Variants in HUNK observed in about 807,000 individuals in gnomAD.
HUNK encodes hormonally up-regulated Neu-associated kinase.
Under a neutral mutation model 61.0 loss-of-function variants are expected in HUNK, and 21 were observed. That is an observed-to-expected ratio of 0.34 (90% CI 0.24 to 0.50). The LOEUF is 0.50. Ranked by LOEUF, HUNK falls within the 20% of genes least tolerant of loss-of-function variation. The pLI, the probability that HUNK is intolerant of heterozygous loss-of-function variation, is 0.98. For synonymous variants in HUNK, 371 were observed against 386.1 expected, an observed-to-expected ratio of 0.96 and a Z score of 0.46; for missense variants, 772 against 945.7, an observed-to-expected ratio of 0.82 and a Z score of 2.41.
At chr21:31,925,635 C>T (rs2052654530) in intron 2 of HUNK, among the ~76,000 whole-genome samples, 1 of 152,192 alleles carries the variant, frequency 6.6e-6, no homozygotes, top group Non-Finnish European at 1.5e-5. Context: ...ACAAACCAAA[C>T]CAGTCTTGCA....
Position 31,998,796 on chromosome 21 carries a change from C to T in HUNK, c.1757C>T (p.Pro586Leu), listed in dbSNP as rs376135963. The change falls in exon 11 of 11, where the codon CCG (proline) becomes CTG (leucine). Residue 586 changes from proline to leucine, a missense_variant. Pro to Leu is a moderately conservative substitution (Grantham distance 98). Coordinates refer to ENST00000270112, the MANE Select transcript of HUNK (RefSeq NM_014586.2). ...CATCACTACAGGATTCTGAACTCCC[C>T]GGTCAGCTTGGCTCGCAGAAATTCC... Reference protein sequence around the residue: ...PSHHYRILNSPVSLARRNSSE... With the variant: ...PSHHYRILNSLVSLARRNSSE... 1.4e-4 allele frequency: 234 copies of T among 1,614,180 alleles called. No individual in the cohort carries two copies. The highest frequency in any genetic ancestry group is 1.9e-4 in the Non-Finnish European group (220 of 1,180,044).
chr21:31,913,699 C>T (rs2052561753), intron 1 of HUNK, among the ~76,000 whole-genome samples: 1 of 151,760 alleles, frequency 6.6e-6, no homozygotes, highest in South Asian at 2.1e-4. Flanking sequence ...GGCAGATGGA[C>T]AGTCATGAGC....
At chr21:31,949,026 G>A (rs2052829924) in intron 4 of HUNK, among the ~76,000 whole-genome samples, 2 of 152,228 alleles carry the variant, frequency 1.3e-5, no homozygotes, top group South Asian at 4.1e-4. Context: ...TGAACCTCAG[G>A]ACAGTCCTGT....
At chr21:31,954,136 G>A (rs1291493053) in intron 4 of HUNK, among the ~76,000 whole-genome samples, 1 of 152,138 alleles carries the variant, frequency 6.6e-6, no homozygotes, top group Non-Finnish European at 1.5e-5. Context: ...TTGCTCCTCT[G>A]GCCTCATATG....
At chr21:31,919,496 C>G (rs1043384116) in intron 1 of HUNK, among the ~76,000 whole-genome samples, 19 of 152,190 alleles carry the variant, frequency 1.2e-4, no homozygotes, top group African/African-American at 4.3e-4. Flanking sequence ...TGACTGTAAT[C>G]GTACGGCTGT....
chr21:31,975,122 T>C (rs9305481), intron 7 of HUNK, among the ~76,000 whole-genome samples: 64,331 of 151,828 alleles, frequency 0.42, 13,932 homozygotes, highest in South Asian at 0.49. Context: ...AACTATGGTA[T>C]TATATATGAG....
intron 9 of HUNK, among the ~76,000 whole-genome samples, chr21:31,990,641 T>G (rs1487553843): frequency 6.6e-6 from 1 of 151,984 alleles, no homozygotes; most frequent in African/African-American, 2.4e-5. Context: ...GTTCAAGCAA[T>G]TCTCCGGCCT....
Position 32,000,321 on chromosome 21 carries a change from TTTC to T in HUNK, c.*1144_*1146del, listed in dbSNP as rs2053237806. On this transcript the variant is annotated 3_prime_UTR_variant, in exon 11 of 11. Transcript: ENST00000270112. Reference sequence around the variant, plus strand: ...GAGAACCTGTTCAGATACAGGCCAGTTTCTTCTTCGAGGAAAGCCAAGCTCCTC... The same window carrying T: ...GAGAACCTGTTCAGATACAGGCCAGTTTCTTCGAGGAAAGCCAAGCTCCTC... 1 of 399,070 alleles carries T rather than the reference TTTC, an allele frequency of 2.5e-6. No homozygotes were observed. The allele number at this position is 399,070 out of a possible 1,614,324, so 24.7% of individuals were successfully genotyped here.
Position 31,876,991 on chromosome 21 carries a change from A to C in HUNK, c.261+3056A>C, listed in dbSNP as rs146396618. Among the ~76,000 whole-genome samples, 42 of 152,194 alleles carry C rather than the reference A, an allele frequency of 2.8e-4. No homozygotes were observed. In the East Asian group the frequency reaches 4.5e-3, roughly 16 times the overall value. On this transcript the variant is annotated intron_variant, in intron 1 of 10. Coordinates refer to ENST00000270112, the MANE Select transcript of HUNK (RefSeq NM_014586.2). ...CCATTCCACATTAGGAGGGGAATGAAGTCATTAATACTGTAGTGAGAAGTA... is the reference window on the plus strand; with the variant it reads ...CCATTCCACATTAGGAGGGGAATGACGTCATTAATACTGTAGTGAGAAGTA...
chr21:31,915,333 A>G (rs936741015), intron 1 of HUNK, among the ~76,000 whole-genome samples: 1 of 152,202 alleles, frequency 6.6e-6, no homozygotes, highest in South Asian at 2.1e-4. Context: ...TTAAGAAACC[A>G]AAGTGTTCTG....
chr21:31,967,777 G>C (rs946599224), intron 5 of HUNK, among the ~76,000 whole-genome samples: 2 of 152,138 alleles, frequency 1.3e-5, no homozygotes, highest in Non-Finnish European at 2.9e-5. Context: ...GCTTCTCCCT[G>C]AGTGCTCAAA....
intron 9 of HUNK, among the ~76,000 whole-genome samples, chr21:31,992,651 G>T (rs879019647): frequency 6.6e-6 from 1 of 152,220 alleles, no homozygotes; most frequent in South Asian, 2.1e-4. Context: ...CAGCCTTGCC[G>T]TGTGAGGAGC....
chr21:31,977,715 AG>A (rs2053060196), intron 7 of HUNK, among the ~76,000 whole-genome samples: 1 of 152,168 alleles, frequency 6.6e-6, no homozygotes, highest in African/African-American at 2.4e-5. Flanking sequence ...CACAACAAAA[AG>A]AGTCTCACTC....
At chr21:31,932,592 C>A (rs1044702800) in intron 2 of HUNK, among the ~76,000 whole-genome samples, 1 of 151,902 alleles carries the variant, frequency 6.6e-6, no homozygotes, top group Non-Finnish European at 1.5e-5. Flanking sequence ...GAGGAGTCTT[C>A]TCCCCTTAGG....
At chr21:31,876,114 A>C (rs1014172730) in intron 1 of HUNK, among the ~76,000 whole-genome samples, 1 of 152,176 alleles carries the variant, frequency 6.6e-6, no homozygotes, top group Non-Finnish European at 1.5e-5. Flanking sequence ...TATGTTTCTT[A>C]AATGATGAAT....
intron 5 of HUNK, among the ~76,000 whole-genome samples, chr21:31,967,561 C>T (rs1387909088): frequency 1.3e-5 from 2 of 151,994 alleles, no homozygotes. Flanking sequence ...AAACCCAGGG[C>T]ATTTAAAACA....
chr21:31,968,203 G>A, intron 5 of HUNK, 47 bp from the exon 6 acceptor site: 5 of 1,611,866 alleles, frequency 3.1e-6, no homozygotes, highest in South Asian at 1.1e-5. Flanking sequence ...ACTGGTGTCT[G>A]CGTTCAGCCT....
At chr21:31,883,232 AGGGTTC>A (rs1233839127) in intron 1 of HUNK, among the ~76,000 whole-genome samples, 1 of 152,088 alleles carries the variant, frequency 6.6e-6, no homozygotes, top group Non-Finnish European at 1.5e-5. Context: ...ATAATTTATA[AGGGTTC>A]CCAACTTATA....
intron 3 of HUNK, among the ~76,000 whole-genome samples, chr21:31,943,027 C>G (rs1299745928): frequency 2.0e-5 from 3 of 152,168 alleles, no homozygotes; most frequent in African/African-American, 7.2e-5. Context: ...GATCTTCCAA[C>G]TCCTGTCTTT....
Sources: gnomAD v4.1 joint callset for allele counts (sites outside exome capture counted in the v4.1 genomes callset) on GRCh38, gnomAD v4.1.1 for gene constraint, MANE v1.5 for transcripts, NCBI Gene and HGNC (gene_info 2026-07-23, HGNC 2026-07-21) for gene names.